CPPED1: variants seen among roughly 807,000 people sequenced by gnomAD.
CPPED1 encodes the protein calcineurin like phosphoesterase domain containing 1, also known as serine/threonine-protein phosphatase CPPED1.
A neutral mutation model predicts 28.0 loss-of-function variants in CPPED1; 28 were observed. That is an observed-to-expected ratio of 1.00 (90% confidence interval 0.74 to 1.37). The LOEUF (loss-of-function observed/expected upper bound fraction) is 1.37, where lower values mean the gene tolerates loss of function less well. Among genes scored for constraint, CPPED1 ranks in the 40% most tolerant of loss-of-function variants. The pLI, the probability that CPPED1 is intolerant of heterozygous loss-of-function variation, is 0.00. For synonymous variants in CPPED1, 198 were observed against 180.2 expected, an observed-to-expected ratio of 1.10 and a Z score of -0.79; for missense variants, 504 against 416.5, an observed-to-expected ratio of 1.21 and a Z score of -1.83.
At chr16:12,693,191 G>C (rs527695597) in intron 3 of CPPED1, among the ~76,000 whole-genome samples, 1 of 152,260 alleles carries the variant, frequency 6.6e-6, no homozygotes, top group South Asian at 2.1e-4. Context: ...CTGGCACCCA[G>C]GAGGCTTCAC....
chr16:12,767,327 T>C (rs1237997906), intron 2 of CPPED1, among the ~76,000 whole-genome samples: 2 of 152,166 alleles, frequency 1.3e-5, no homozygotes, highest in Non-Finnish European at 2.9e-5. Context: ...ATCTTTTTGT[T>C]CTATTCAAAC....
chr16:12,801,661 A>G (rs994860995), intron 1 of CPPED1, among the ~76,000 whole-genome samples: 8 of 152,186 alleles, frequency 5.3e-5, no homozygotes, highest in Admixed American at 6.5e-5. Context: ...CAGAATGTTC[A>G]TAACAGCACT....
At chr16:12,742,078 AAAAT>A (rs141095464) in intron 2 of CPPED1, among the ~76,000 whole-genome samples, 85,003 of 151,078 alleles carry the variant, frequency 0.56, 24,087 homozygotes, top group Admixed American at 0.63. Flanking sequence ...AAAATAAAAT[AAAAT>A]AAATAAATAA....
intron 2 of CPPED1, among the ~76,000 whole-genome samples, chr16:12,712,912 T>A (rs534100471): frequency 1.3e-5 from 2 of 152,194 alleles, no homozygotes; most frequent in African/African-American, 4.8e-5. Context: ...TATAGAAAAA[T>A]AATCAAGACA....
chr16:12,690,662 CA>C (rs748989286), intron 3 of CPPED1, among the ~76,000 whole-genome samples: 34,578 of 94,624 alleles, frequency 0.37, 4,952 homozygotes, highest in African/African-American at 0.52. Flanking sequence ...TAGTTTCTAC[CA>C]AAAAAAAAAA....
intron 3 of CPPED1, among the ~76,000 whole-genome samples, chr16:12,693,857 C>T (rs777240350): frequency 1.2e-4 from 19 of 152,148 alleles, no homozygotes; most frequent in Non-Finnish European, 1.9e-4. Flanking sequence ...CTGCTGTTCC[C>T]CATGTTCTGG....
intron 3 of CPPED1, among the ~76,000 whole-genome samples, chr16:12,669,885 G>A (rs904242209): frequency 6.6e-6 from 1 of 152,166 alleles, no homozygotes; most frequent in Non-Finnish European, 1.5e-5. Flanking sequence ...CAAAAACCCT[G>A]CAACGATGGG....
At chr16:12,668,724 T>C (rs1486309137) in intron 3 of CPPED1, among the ~76,000 whole-genome samples, 3 of 152,236 alleles carry the variant, frequency 2.0e-5, no homozygotes, top group African/African-American at 7.2e-5. Context: ...GATAATTACA[T>C]GAAAAGATGC....
In CPPED1 at chr16:12,660,076, G is replaced by A. The variant is rs1165059374; in HGVS notation, c.*4810C>T. 1 of 152,232 alleles carries A rather than the reference G, an allele frequency of 6.6e-6. No individual in the cohort carries two copies. Among genetic ancestry groups the A allele is most frequent in the African/African-American group, 2.4e-5 (1 of 41,454 alleles). 9.4% of individuals were successfully genotyped at this position (152,232 alleles called of 1,614,324 possible). A position where few individuals can be genotyped will look rare whatever the true frequency, so the allele number is the denominator to read the frequency against. On this transcript the variant is annotated 3_prime_UTR_variant, in exon 4 of 4. Coordinates refer to ENST00000381774, the MANE Select transcript of CPPED1 (RefSeq NM_018340.3). The stretch of plus-strand genomic sequence containing the variant: ...TTATGGGGATTACAATTCGAGATGA[G>A]ATTTCAGTGGGGACACAGAGCCAAA...
chr16:12,770,343 G>C (rs900385247), intron 2 of CPPED1, among the ~76,000 whole-genome samples: 3 of 152,174 alleles, frequency 2.0e-5, no homozygotes, highest in Non-Finnish European at 4.4e-5. Context: ...CAGCAGCACT[G>C]TTCAAATTAA....
rs796160360 is a variant in CPPED1 at position 12,664,608 on chromosome 16, C to G, written c.*278G>C. On this transcript the variant is annotated 3_prime_UTR_variant, in exon 4 of 4. Transcript: ENST00000381774. This position sits in a 1 kb window ranked among gnomAD's most constrained non-coding sequence, Gnocchi z 4.2. ...AATTCAAAAGTGGAGTTGAGAAACA[C>G]AGCATTAGGAGAATTTATTCAAACA... is the stretch of plus-strand genomic sequence containing the variant. 12 of 1,228,098 alleles carry G rather than the reference C, an allele frequency of 9.8e-6. No homozygotes were observed. In the African/African-American group the frequency reaches 1.6e-4, roughly 16 times the overall value. The allele number at this position is 1,228,098 out of a possible 1,614,324, so 76.1% of individuals were successfully genotyped here.
chr16:12,781,531 G>A (rs1438835470), intron 1 of CPPED1, 128 bp from the exon 2 acceptor site: 3 of 778,608 alleles, frequency 3.9e-6, no homozygotes, highest in East Asian at 2.7e-5. Context: ...ATAAGCTGTG[G>A]TTCAAACATA....
At chr16:12,691,869 T>C (rs62030662) in intron 3 of CPPED1, among the ~76,000 whole-genome samples, 39,590 of 135,306 alleles carry the variant, frequency 0.29, 8,205 homozygotes, top group African/African-American at 0.58. Context: ...TGTTAAATGA[T>C]GAGTTAATGG....
In CPPED1 at chr16:12,664,973, C is replaced by G; in HGVS notation, c.858G>C (p.Glu286Asp). ...HGLRVVVVTA[E>D]KIVHRYYSLD... The stretch of plus-strand genomic sequence containing the variant: ...GACTGTAGTATCGGTGAACAATTTT[C>G]TCGGCGGTGACCACCACGACTCGGA... Residue 286 changes from glutamate to aspartate, a missense_variant, in exon 4 of 4, where the codon GAG (glutamate) becomes GAC (aspartate). Transcript: ENST00000381774. The surrounding 1 kb of genome is among the most constrained non-coding windows in gnomAD (Gnocchi z 4.2). 1 of 1,611,422 alleles carries G rather than the reference C, an allele frequency of 6.2e-7. No individual in the cohort carries two copies. The highest frequency in any genetic ancestry group is 8.5e-7 in the Non-Finnish European group (1 of 1,179,096).
At chr16:12,699,378 T>C (rs765140748) in intron 3 of CPPED1, among the ~76,000 whole-genome samples, 3 of 152,124 alleles carry the variant, frequency 2.0e-5, no homozygotes. Context: ...ACAGGATGCA[T>C]CTGTTTCTAG....
intron 2 of CPPED1, among the ~76,000 whole-genome samples, chr16:12,720,142 CT>C (rs2080131558): frequency 6.6e-6 from 1 of 152,292 alleles, no homozygotes; most frequent in South Asian, 2.1e-4. Context: ...CCGATCCTGT[CT>C]TCCCGAGAGA....
chr16:12,685,256 C>T (rs553298727), intron 3 of CPPED1, among the ~76,000 whole-genome samples: 1 of 152,154 alleles, frequency 6.6e-6, no homozygotes, highest in Non-Finnish European at 1.5e-5. Context: ...TTGAGACCAG[C>T]CTGGCCAACA....
intron 1 of CPPED1, among the ~76,000 whole-genome samples, chr16:12,785,987 C>A (rs1008961273): frequency 6.6e-6 from 1 of 151,294 alleles, no homozygotes; most frequent in Non-Finnish European, 1.5e-5. Context: ...TTTCCCCCTA[C>A]CTTTCCTAGC....
At chr16:12,710,258 T>C (rs896792032) in intron 2 of CPPED1, among the ~76,000 whole-genome samples, 4 of 152,006 alleles carry the variant, frequency 2.6e-5, no homozygotes, top group Non-Finnish European at 4.4e-5. Context: ...ATTTAAGAGA[T>C]ATTTGGGAGG....
Sources: gnomAD v4.1 joint callset for allele counts (sites outside exome capture counted in the v4.1 genomes callset) on GRCh38, gnomAD v4.1.1 for gene constraint, Gnocchi (gnomAD v3.1) non-coding constraint, MANE v1.5 for transcripts, NCBI Gene and HGNC (gene_info 2026-07-23, HGNC 2026-07-21) for gene names.